EYS: variants seen among roughly 807,000 people sequenced by gnomAD.
The protein encoded by EYS is EGF-like photoreceptor maintenance factor.
EYS carries 250 observed loss-of-function variants against 282.1 expected under a neutral mutation model. The observed-to-expected ratio is 0.89, with a 90% CI of 0.80 to 0.98. The LOEUF is 0.98. EYS is among the 50% of genes least tolerant of loss of function. EYS has a pLI of 0.00. For synonymous variants in EYS, 1,355 were observed against 1,282.9 expected (o/e 1.06, Z -1.20); for missense variants, 4,016 against 3,709.0 (o/e 1.08, Z -2.15).
At chr6:65,605,635 T>C (rs1200346942) in intron 2 of EYS, among the ~76,000 whole-genome samples, 1 of 151,908 alleles carries the variant, frequency 6.6e-6, no homozygotes, top group Non-Finnish European at 1.5e-5. Flanking sequence ...GTATATAACA[T>C]ACATATTTAG....
chr6:65,197,704 T>A (rs1046632954), intron 12 of EYS, among the ~76,000 whole-genome samples: 3 of 152,050 alleles, frequency 2.0e-5, no homozygotes, highest in Non-Finnish European at 4.4e-5. Flanking sequence ...AAAACTATAG[T>A]TAAGTGTTTG....
At chr6:64,148,816 A>G (rs1235164169) in intron 31 of EYS, among the ~76,000 whole-genome samples, 2 of 152,202 alleles carry the variant, frequency 1.3e-5, no homozygotes, top group South Asian at 2.1e-4. Context: ...ACCTAGAACT[A>G]TGAACTTCCC....
intron 28 of EYS, among the ~76,000 whole-genome samples, chr6:64,409,759 A>C (rs1162187029): frequency 6.6e-6 from 1 of 152,164 alleles, no homozygotes; most frequent in African/African-American, 2.4e-5. Flanking sequence ...CTAGTAACAC[A>C]CACTATGGTA....
chr6:64,471,680 A>G (rs1268105648), intron 26 of EYS, among the ~76,000 whole-genome samples: 1 of 152,202 alleles, frequency 6.6e-6, no homozygotes, highest in Non-Finnish European at 1.5e-5. Context: ...TACAAAGCCA[A>G]TGCAATCTGT....
At chr6:64,397,026 C>T (rs1432747621) in intron 28 of EYS, among the ~76,000 whole-genome samples, 1 of 151,978 alleles carries the variant, frequency 6.6e-6, no homozygotes, top group Admixed American at 6.6e-5. Context: ...CTGCCTAATG[C>T]TAACGCCTTA....
intron 11 of EYS, among the ~76,000 whole-genome samples, chr6:65,315,060 C>T (rs1430454164): frequency 6.6e-6 from 1 of 152,040 alleles, no homozygotes. Context: ...ACATAATCAT[C>T]TCTGACTTTT....
At chr6:64,721,784 C>A (rs1378373369) in intron 22 of EYS, among the ~76,000 whole-genome samples, 4 of 152,062 alleles carry the variant, frequency 2.6e-5, no homozygotes, top group Non-Finnish European at 4.4e-5. Flanking sequence ...AGTATAATCA[C>A]CACATTGAAA....
At chr6:64,267,211 C>A (rs1220226806) in intron 30 of EYS, among the ~76,000 whole-genome samples, 1 of 152,052 alleles carries the variant, frequency 6.6e-6, no homozygotes, top group Non-Finnish European at 1.5e-5. Flanking sequence ...ATGAAATTAA[C>A]ACCACAACCC....
intron 1 of EYS, among the ~76,000 whole-genome samples, chr6:65,661,636 C>T (rs1768004436): frequency 6.6e-6 from 1 of 151,946 alleles, no homozygotes. Flanking sequence ...TAGTTACAGA[C>T]ATATTGCTAT....
At chr6:64,040,295 A>T (rs10944299) in intron 33 of EYS, among the ~76,000 whole-genome samples, 63,848 of 151,994 alleles carry the variant, frequency 0.42, 14,595 homozygotes, top group African/African-American at 0.61. Flanking sequence ...CAGAGTTACT[A>T]GTAATGCTAT....
chr6:64,936,525 A>G (rs1768911198), intron 15 of EYS, among the ~76,000 whole-genome samples: 1 of 151,522 alleles, frequency 6.6e-6, no homozygotes, highest in South Asian at 2.1e-4. Context: ...CAGATATTAA[A>G]AATCCTAAGG....
chr6:65,373,136 T>C (rs958195189), intron 8 of EYS, among the ~76,000 whole-genome samples: 3 of 152,140 alleles, frequency 2.0e-5, no homozygotes, highest in African/African-American at 7.2e-5. Flanking sequence ...CTGATTAAAC[T>C]TGGTCTTAAG....
At chr6:64,724,533 C>T (rs1442534356) in intron 22 of EYS, among the ~76,000 whole-genome samples, 1 of 152,186 alleles carries the variant, frequency 6.6e-6, no homozygotes, top group Non-Finnish European at 1.5e-5. Context: ...GCTCAAACAT[C>T]ATAAAACATA....
intron 26 of EYS, among the ~76,000 whole-genome samples, chr6:64,502,549 C>T (rs1471183154): frequency 6.6e-6 from 1 of 152,228 alleles, no homozygotes; most frequent in African/African-American, 2.4e-5. Context: ...TAAGGTTAAT[C>T]ATCAATTTAT....
intron 31 of EYS, among the ~76,000 whole-genome samples, chr6:64,209,026 T>A (rs1765688961): frequency 6.6e-6 from 1 of 152,152 alleles, no homozygotes. Flanking sequence ...TTACTATATA[T>A]ATTTTGCATT....
intron 18 of EYS, among the ~76,000 whole-genome samples, chr6:64,893,288 A>C (rs923994227): frequency 6.6e-6 from 1 of 152,084 alleles, no homozygotes; most frequent in Non-Finnish European, 1.5e-5. Flanking sequence ...AAATCATGTT[A>C]CTAGAGGTAA....
intron 35 of EYS, among the ~76,000 whole-genome samples, chr6:63,937,345 C>CTTTTTTTTTTTTTTTTTT (rs778809745): frequency 7.3e-5 from 4 of 54,500 alleles, no homozygotes; most frequent in Admixed American, 2.3e-4. Context: ...TCTCTCTTTT[C>CTTTTTTTTTTTTTTTTTT]TTTTTTTTTT....
intron 40 of EYS, among the ~76,000 whole-genome samples, chr6:63,771,135 T>C (rs916490739): frequency 2.6e-5 from 4 of 152,136 alleles, no homozygotes; most frequent in Non-Finnish European, 4.4e-5. Context: ...GAGAGAACTG[T>C]CTTTGGGAAA....
intron 2 of EYS, among the ~76,000 whole-genome samples, chr6:65,575,099 T>C (rs984994357): frequency 2.6e-5 from 4 of 152,048 alleles, no homozygotes; most frequent in African/African-American, 9.7e-5. Flanking sequence ...GGTGCATGGA[T>C]CACTTGAGGT....
Sources: gnomAD v4.1 joint callset for allele counts (sites outside exome capture counted in the v4.1 genomes callset) on GRCh38, gnomAD v4.1.1 for gene constraint, MANE v1.5 for transcripts, NCBI Gene and HGNC (gene_info 2026-07-23, HGNC 2026-07-21) for gene names.